The following OTOF variants were observed in gnomAD, a reference collection of about 807,000 sequenced individuals.
OTOF encodes the protein fer-1-like family member 2.
A neutral mutation model predicts 236.8 loss-of-function variants in OTOF; 218 were observed. The observed-to-expected ratio is 0.92, with a 90% CI of 0.82 to 1.03. OTOF has a LOEUF of 1.03. Ranked by LOEUF, OTOF falls within the 50% of genes least tolerant of loss-of-function variation. The probability of loss-of-function intolerance (pLI) is 0.00; values close to 1 mark genes in which losing one functional copy is unlikely to be tolerated. For missense variants in OTOF, 2,590 were observed against 2,694.4 expected (o/e 0.96, Z 0.86); for synonymous variants, 1,041 against 1,072.5 (o/e 0.97, Z 0.57).
At position 26,489,304 on chromosome 2, in the gene OTOF, C is replaced by A. The variant is rs1482675958; in HGVS notation, c.961-9G>T. 2 of 1,606,590 alleles carry A rather than the reference C, an allele frequency of 1.2e-6. No individual in the cohort carries two copies. Among genetic ancestry groups the A allele is most frequent in the Admixed American group, 1.7e-5 (1 of 59,746 alleles). ...TTCTTGGAGTGAATCACCTTTCAGG[C>A]AGAACCACAGCCCACCCGTCAGGCC... On this transcript the variant is annotated splice_polypyrimidine_tract_variant and intron_variant, in intron 10 of 46. Coordinates refer to ENST00000272371, the MANE Select transcript of OTOF (RefSeq NM_194248.3).
At chr2:26,523,771 C>T (rs1666736633) in intron 3 of OTOF, among the ~76,000 whole-genome samples, 1 of 152,236 alleles carries the variant, frequency 6.6e-6, no homozygotes, top group Non-Finnish European at 1.5e-5. Flanking sequence ...ATTGCTAAGC[C>T]TAGTGCAGAC....
rs1321908130 is a variant in OTOF at position 26,489,745 on chromosome 2, AG to A, written c.898-6del. Reference sequence around the variant, plus strand: ...ATGGAAGTCGAAGACGAAGTACTGGAGGGGGAAGGATCCAGGCCTGCTGTCA... The same window carrying A: ...ATGGAAGTCGAAGACGAAGTACTGGAGGGGAAGGATCCAGGCCTGCTGTCA... On this transcript the variant is annotated splice_region_variant and splice_polypyrimidine_tract_variant and intron_variant, in intron 9 of 46. Coordinates refer to ENST00000272371, the MANE Select transcript of OTOF (RefSeq NM_194248.3). The A allele has an allele frequency of 6.2e-7, 1 of 1,611,610 alleles. No individual in the cohort carries two copies. Among genetic ancestry groups the A allele is most frequent in the Non-Finnish European group, 8.5e-7 (1 of 1,178,746 alleles).
Position 26,480,916 on chromosome 2 carries a change from C to T in OTOF, c.1673G>A (p.Gly558Asp). 1 of 1,612,948 alleles carries T rather than the reference C, an allele frequency of 6.2e-7. No individual in the cohort carries two copies. The highest frequency in any genetic ancestry group is 8.5e-7 in the Non-Finnish European group (1 of 1,179,918). ...CCGGAAGGACACACCCTCCCCCAGGCCCTCGTTCAGGTCCTGATGCTCATC... is the reference window on the plus strand; with the variant it reads ...CCGGAAGGACACACCCTCCCCCAGGTCCTCGTTCAGGTCCTGATGCTCATC... Reference protein sequence around the residue: ...LLDEHQDLNEGLGEGVSFRAR... With the variant: ...LLDEHQDLNEDLGEGVSFRAR... The change falls in exon 15 of 47, where the codon GGC (glycine) becomes GAC (aspartate). Residue 558 changes from glycine to aspartate, a missense_variant. Physicochemically the swap from Gly to Asp is moderately conservative, Grantham distance 94. Around this residue, in one of 2 missense-constraint regions of OTOF, gnomAD observed 1,379 missense variants for 1,341.6 expected, o/e 1.03. Coordinates refer to ENST00000272371, the MANE Select transcript of OTOF (RefSeq NM_194248.3).
At chr2:26,538,819 T>TTTA (rs2148124125) in intron 1 of OTOF, among the ~76,000 whole-genome samples, 1 of 150,486 alleles carries the variant, frequency 6.6e-6, no homozygotes, top group South Asian at 2.1e-4. Context: ...AAACACCATT[T>TTTA]TTTTTTTTTT....
chr2:26,558,740 C>A lies in OTOF; in HGVS notation c.-169G>T. The A allele has an allele frequency of 1.6e-6, 1 of 612,656 alleles. No homozygotes were observed. The highest frequency in any genetic ancestry group is 2.9e-6 in the Non-Finnish European group (1 of 344,240). 38.0% of individuals were successfully genotyped at this position (612,656 alleles called of 1,614,324 possible). A position where few individuals can be genotyped will look rare whatever the true frequency, so the allele number is the denominator to read the frequency against. On this transcript the variant is annotated 5_prime_UTR_variant, in exon 1 of 47. Coordinates refer to ENST00000272371, the MANE Select transcript of OTOF (RefSeq NM_194248.3). ...AAGGCAACCAAGCCGAGCTAAGCTG[C>A]TCCTGCAGCGACTCACAGAGCCTCA...
At chr2:26,553,051 G>T (rs567959075) in intron 1 of OTOF, among the ~76,000 whole-genome samples, 42 of 152,280 alleles carry the variant, frequency 2.8e-4, no homozygotes, top group African/African-American at 1.0e-3. Context: ...CATCAAGAGG[G>T]AGGGCTCCCT....
chr2:26,505,436 GAC>G (rs931753227), intron 5 of OTOF, among the ~76,000 whole-genome samples: 13 of 112,724 alleles, frequency 1.2e-4, no homozygotes, highest in African/African-American at 2.6e-4. Flanking sequence ...CACACACACA[GAC>G]ACACACACAC....
At chr2:26,492,914 C>T (rs1665883913) in intron 9 of OTOF, among the ~76,000 whole-genome samples, 1 of 152,112 alleles carries the variant, frequency 6.6e-6, no homozygotes, top group African/African-American at 2.4e-5. Flanking sequence ...CAGCTCTGTG[C>T]CCTTGGGAAA....
chr2:26,511,123 C>T (rs1048430748), intron 5 of OTOF, among the ~76,000 whole-genome samples: 3 of 152,230 alleles, frequency 2.0e-5, no homozygotes, highest in African/African-American at 7.2e-5. Flanking sequence ...CCTGGCCACC[C>T]TCCCGGCCTG....
At chr2:26,513,501 C>T (rs1229567094) in intron 5 of OTOF, among the ~76,000 whole-genome samples, 2 of 152,178 alleles carry the variant, frequency 1.3e-5, no homozygotes, top group Non-Finnish European at 2.9e-5. Context: ...AGTCTACCTC[C>T]CCGCAGCCCC....
chr2:26,498,855 C>T (rs1203068093), intron 8 of OTOF, among the ~76,000 whole-genome samples: 1 of 152,130 alleles, frequency 6.6e-6, no homozygotes, highest in East Asian at 1.9e-4. Flanking sequence ...TTACCCACTC[C>T]CCACTTTTCC....
At chr2:26,459,382 C>G (rs1028591577) in intron 46 of OTOF, among the ~76,000 whole-genome samples, 2 of 152,038 alleles carry the variant, frequency 1.3e-5, no homozygotes, top group African/African-American at 2.4e-5. Context: ...GAAACCCCGT[C>G]TCTACTAAAA....
chr2:26,503,525 G>A (rs937628647), intron 6 of OTOF, among the ~76,000 whole-genome samples: 2 of 152,268 alleles, frequency 1.3e-5, no homozygotes, highest in African/African-American at 4.8e-5. Context: ...CGTGAAGAAG[G>A]AAGAACCGGG....
intron 3 of OTOF, among the ~76,000 whole-genome samples, chr2:26,519,879 A>G (rs1411158290): frequency 6.6e-6 from 1 of 152,196 alleles, no homozygotes; most frequent in Non-Finnish European, 1.5e-5. Context: ...CAGCACTCCA[A>G]AGCAGTCCGT....
At chr2:26,521,422 C>G (rs1012266714) in intron 3 of OTOF, among the ~76,000 whole-genome samples, 1 of 152,216 alleles carries the variant, frequency 6.6e-6, no homozygotes, top group African/African-American at 2.4e-5. Context: ...CAAGTGCTCA[C>G]AGAGGCGTCT....
rs760394336 is a variant in OTOF, at chr2:26,484,493, C to T, written c.1186G>A (p.Asp396Asn). The T allele has an allele frequency of 4.7e-5, 76 of 1,613,940 alleles. No homozygotes were observed. The highest frequency in any genetic ancestry group is 8.9e-5 in the East Asian group (4 of 44,890). ...IKTPHKANET[D>N]EDDIEGNLLL... ...CCTCACCCCTCAATGTCATCTTCGT[C>T]GGTCTCATTGGCCTTGTGGGGCGTC... Residue 396 changes from aspartate (D) to asparagine (N), a missense_variant, in exon 12 of 47, where the codon GAC (aspartate) becomes AAC (asparagine). Coordinates refer to ENST00000272371, the MANE Select transcript of OTOF (RefSeq NM_194248.3).
chr2:26,483,026 CGTGT>C (rs1385738451), intron 13 of OTOF, among the ~76,000 whole-genome samples: 3 of 83,664 alleles, frequency 3.6e-5, no homozygotes, highest in South Asian at 4.5e-4. Context: ...GGTGTGTGTG[CGTGT>C]GTGAGTGGGT....
chr2:26,466,862 CA>C lies in OTOF; in HGVS notation c.4363-12del, dbSNP rs755225444. On this transcript the variant is annotated splice_polypyrimidine_tract_variant and intron_variant, in intron 35 of 46. Transcript: ENST00000272371. ...CACGCAGAGGGAGCCCTGGGCAAGA[CA>C]AATGTGGGTCAGGGTGTAGGTTTGC... 28 of 1,614,028 alleles carry C rather than the reference CA, an allele frequency of 1.7e-5. No individual in the cohort carries two copies. Among genetic ancestry groups the C allele is most frequent in the Non-Finnish European group, 2.3e-5 (27 of 1,180,040 alleles).
intron 4 of OTOF, among the ~76,000 whole-genome samples, chr2:26,517,455 C>T (rs1412095851): frequency 6.6e-6 from 1 of 152,162 alleles, no homozygotes; most frequent in African/African-American, 2.4e-5. Context: ...CTTTAATGTA[C>T]ACTCATTTGA....
Sources: allele counts gnomAD v4.1 joint callset (sites outside exome capture counted in the v4.1 genomes callset), GRCh38; gene constraint gnomAD v4.1.1; regional missense constraint gnomAD v4.1.1; transcripts MANE v1.5; gene names NCBI Gene and HGNC (gene_info 2026-07-23, HGNC 2026-07-21).